The following LRRTM4 variants were observed in gnomAD, a reference collection of about 807,000 sequenced individuals.
LRRTM4 encodes leucine rich repeat transmembrane neuronal 4.
Under a neutral mutation model 47.6 loss-of-function variants are expected in LRRTM4, and 25 were observed. The ratio of observed to expected loss-of-function variants is 0.53; its 90% confidence interval spans 0.38 to 0.73. The LOEUF is 0.73. Ranked by LOEUF, LRRTM4 falls within the 30% of genes least tolerant of loss-of-function variation. The pLI is 0.00. For synonymous variants in LRRTM4, 311 were observed against 269.5 expected (o/e 1.15, Z -1.51); for missense variants, 638 against 713.4 (o/e 0.89, Z 1.20).
chr2:76,778,503 C>G (rs975690428), intron 3 of LRRTM4, among the ~76,000 whole-genome samples: 2 of 149,448 alleles, frequency 1.3e-5, no homozygotes, highest in Admixed American at 6.6e-5. Context: ...GTGTATGTGT[C>G]GAGGAATTTA....
chr2:76,881,924 C>T (rs565489526), intron 3 of LRRTM4, among the ~76,000 whole-genome samples: 6 of 152,188 alleles, frequency 3.9e-5, no homozygotes, highest in South Asian at 4.2e-4. Flanking sequence ...GTCAGAAATA[C>T]GCTGTGAATC....
At chr2:77,185,849 C>T (rs927122291) in intron 3 of LRRTM4, among the ~76,000 whole-genome samples, 1 of 152,092 alleles carries the variant, frequency 6.6e-6, no homozygotes, top group Non-Finnish European at 1.5e-5. Flanking sequence ...AAAGGTGTGA[C>T]TTTAGGAAAG....
At chr2:77,075,117 A>G (rs557039129) in intron 3 of LRRTM4, among the ~76,000 whole-genome samples, 34 of 152,316 alleles carry the variant, frequency 2.2e-4, no homozygotes, top group Non-Finnish European at 4.3e-4. Flanking sequence ...TTTCCTACAT[A>G]GTAGATAATA....
At chr2:76,932,326 G>A (rs1674797417) in intron 3 of LRRTM4, among the ~76,000 whole-genome samples, 1 of 152,068 alleles carries the variant, frequency 6.6e-6, no homozygotes, top group South Asian at 2.1e-4. Context: ...GTATGGAGAG[G>A]CAGATATTGT....
chr2:77,014,523 T>TATATATATATATATATATATATA (rs1677989293), intron 3 of LRRTM4, among the ~76,000 whole-genome samples: 11 of 149,688 alleles, frequency 7.3e-5, no homozygotes, highest in South Asian at 4.2e-4. Flanking sequence ...TATATAAAGA[T>TATATATATATATATATATATATA]TTTATAGGCC....
intron 3 of LRRTM4, among the ~76,000 whole-genome samples, chr2:77,075,955 A>G (rs1680324908): frequency 1.3e-5 from 2 of 149,418 alleles, no homozygotes; most frequent in African/African-American, 2.5e-5. Context: ...GGGATGAAGA[A>G]TTAAGCTGGT....
intron 3 of LRRTM4, among the ~76,000 whole-genome samples, chr2:77,002,058 C>T (rs1677450554): frequency 2.6e-5 from 4 of 152,134 alleles, no homozygotes; most frequent in Admixed American, 2.6e-4. Context: ...ACACGCTTAA[C>T]ATTTTACTCT....
At chr2:76,957,936 G>A (rs1429527131) in intron 3 of LRRTM4, among the ~76,000 whole-genome samples, 1 of 151,490 alleles carries the variant, frequency 6.6e-6, no homozygotes, top group Non-Finnish European at 1.5e-5. Flanking sequence ...ATATATGTGT[G>A]TGTGTATATA....
At chr2:77,164,458 C>G (rs962490549) in intron 3 of LRRTM4, among the ~76,000 whole-genome samples, 3 of 152,172 alleles carry the variant, frequency 2.0e-5, no homozygotes, top group Admixed American at 6.5e-5. Context: ...ACCAAGCAGA[C>G]CTAATAGACA....
In LRRTM4 at chr2:76,807,485, T is replaced by C. The variant is rs866615046; in HGVS notation, c.1552-58569A>G. Among the ~76,000 whole-genome samples, 183 of 124,378 alleles carry C rather than the reference T, an allele frequency of 1.5e-3. 3 individuals are homozygous for C. The Middle Eastern group carries it at 0.021, about 14-fold the overall frequency. The allele number at this position is 124,378 out of a possible 152,430, so 81.6% of individuals were successfully genotyped here. On this transcript the variant is annotated intron_variant, in intron 3 of 3. Transcript: ENST00000409884. ...ATATATATATACATATATATATATA[T>C]ACATATATATATATATAGGCAAAGT...
At chr2:77,195,126 TTACTA>T (rs1558628322) in intron 3 of LRRTM4, among the ~76,000 whole-genome samples, 1 of 151,938 alleles carries the variant, frequency 6.6e-6, no homozygotes, top group East Asian at 1.9e-4. Flanking sequence ...TTTCATGTAT[TTACTA>T]TATAAGAATC....
At chr2:77,402,426 G>T (rs1034579218) in intron 3 of LRRTM4, among the ~76,000 whole-genome samples, 1 of 151,936 alleles carries the variant, frequency 6.6e-6, no homozygotes, top group Non-Finnish European at 1.5e-5. Flanking sequence ...TAGGATTACA[G>T]TTATTAGCCA....
At chr2:77,371,861 G>C (rs1263791365) in intron 3 of LRRTM4, among the ~76,000 whole-genome samples, 1 of 151,754 alleles carries the variant, frequency 6.6e-6, no homozygotes, top group African/African-American at 2.4e-5. Context: ...TGAAGGGAAG[G>C]AGATTTCACT....
chr2:76,827,304 T>C (rs1429494049), intron 3 of LRRTM4, among the ~76,000 whole-genome samples: 2 of 151,808 alleles, frequency 1.3e-5, no homozygotes, highest in African/African-American at 4.8e-5. Flanking sequence ...TCTGAGCACA[T>C]GAAGAGAAAG....
At chr2:76,796,848 T>G (rs1238720925) in intron 3 of LRRTM4, among the ~76,000 whole-genome samples, 10 of 151,976 alleles carry the variant, frequency 6.6e-5, no homozygotes, top group Non-Finnish European at 1.0e-4. Context: ...AGGAGCTGAT[T>G]CGATCAACTG....
intron 3 of LRRTM4, among the ~76,000 whole-genome samples, chr2:77,294,982 C>T (rs768283159): frequency 3.4e-4 from 52 of 152,054 alleles, no homozygotes; most frequent in South Asian, 6.2e-4. Flanking sequence ...ATGCAAATCA[C>T]ATTTATGTAA....
chr2:77,320,507 T>C (rs1380445287), intron 3 of LRRTM4, among the ~76,000 whole-genome samples: 2 of 152,216 alleles, frequency 1.3e-5, no homozygotes, highest in Non-Finnish European at 2.9e-5. Context: ...GTTATTTGCC[T>C]ACTTATTTTA....
chr2:76,888,558 TA>T (rs1165163985), intron 3 of LRRTM4, among the ~76,000 whole-genome samples: 2 of 151,762 alleles, frequency 1.3e-5, no homozygotes, highest in African/African-American at 4.8e-5. Context: ...AAAAAGTAGC[TA>T]AACTTACTTC....
chr2:76,905,010 G>C (rs1034609519), intron 3 of LRRTM4, among the ~76,000 whole-genome samples: 3 of 152,096 alleles, frequency 2.0e-5, no homozygotes, highest in Non-Finnish European at 4.4e-5. Flanking sequence ...CTCCCAGAAC[G>C]CAGCTGGAGA....
Sources: allele counts gnomAD v4.1 joint callset (sites outside exome capture counted in the v4.1 genomes callset), GRCh38; gene constraint gnomAD v4.1.1; transcripts MANE v1.5; gene names NCBI Gene and HGNC (gene_info 2026-07-23, HGNC 2026-07-21).